HYCC1: variants seen among roughly 807,000 people sequenced by gnomAD.
The protein encoded by HYCC1 is hyccin.
chr7:22,964,477 A>G, the HYCC1 span: 1 of 1,611,432 alleles, frequency 6.2e-7, no homozygotes, highest in African/African-American at 1.3e-5. Flanking sequence ...GTATCCTGCT[A>G]CTTATACCTT....
the HYCC1 span, among the ~76,000 whole-genome samples, chr7:22,898,599 CTTTT>C: frequency 3.2e-5 from 3 of 93,330 alleles, no homozygotes; most frequent in African/African-American, 1.3e-4. Flanking sequence ...CTTTTCTTTT[CTTTT>C]CTTTTTTTTT....
the HYCC1 span, among the ~76,000 whole-genome samples, chr7:22,980,978 A>G: frequency 6.6e-6 from 1 of 152,134 alleles, no homozygotes; most frequent in Non-Finnish European, 1.5e-5. Context: ...CTTTCCACCT[A>G]CAGTTCCCTC....
the HYCC1 span, among the ~76,000 whole-genome samples, chr7:22,961,897 A>G: frequency 1.3e-5 from 2 of 151,838 alleles, no homozygotes; most frequent in Admixed American, 1.3e-4. Flanking sequence ...GTGTATGCAT[A>G]ATTTTCAAAG....
At chr7:22,960,614 G>C in the HYCC1 span, among the ~76,000 whole-genome samples, 1 of 152,124 alleles carries the variant, frequency 6.6e-6, no homozygotes. Flanking sequence ...ATATGTAAAT[G>C]ATAAAGTTAA....
chr7:22,945,508 G>A, the HYCC1 span: 1 of 1,048,546 alleles, frequency 9.5e-7, no homozygotes, highest in Admixed American at 1.7e-5. Context: ...GAATACGGAT[G>A]AAAGACCCAG....
the HYCC1 span, chr7:22,944,298 AG>A: frequency 1.3e-5 from 2 of 152,196 alleles, no homozygotes; most frequent in Admixed American, 1.3e-4. Flanking sequence ...CCGCAACCAT[AG>A]CCAAAAGGAC....
chr7:22,913,851 C>T, the HYCC1 span, among the ~76,000 whole-genome samples: 2 of 152,222 alleles, frequency 1.3e-5, no homozygotes, highest in Non-Finnish European at 2.9e-5. Context: ...AGACCCAGGA[C>T]AGGAGGACTC....
At chr7:22,991,415 T>C in the HYCC1 span, among the ~76,000 whole-genome samples, 4 of 152,118 alleles carry the variant, frequency 2.6e-5, no homozygotes, top group African/African-American at 7.2e-5. Context: ...TGGACATTTT[T>C]CCCTAGTTTC....
chr7:22,954,886 T>G, the HYCC1 span, among the ~76,000 whole-genome samples: 1 of 151,552 alleles, frequency 6.6e-6, no homozygotes, highest in East Asian at 1.9e-4. Flanking sequence ...TGAAAGTATC[T>G]TGTTTATAAA....
At chr7:22,912,985 G>A in the HYCC1 span, among the ~76,000 whole-genome samples, 18 of 152,240 alleles carry the variant, frequency 1.2e-4, no homozygotes, top group South Asian at 3.3e-3. Context: ...TTAGCTGGGT[G>A]TGGTGGTGGG....
the HYCC1 span, among the ~76,000 whole-genome samples, chr7:22,966,647 C>T: frequency 6.6e-6 from 1 of 152,166 alleles, no homozygotes; most frequent in African/African-American, 2.4e-5. Context: ...ATTATTTACT[C>T]ACTCTTCCCC....
At chr7:22,943,481 C>T in the HYCC1 span, 9 of 152,238 alleles carry the variant, frequency 5.9e-5, no homozygotes, top group East Asian at 1.7e-3. Flanking sequence ...TACTGGTCCT[C>T]AGACCACACA....
the HYCC1 span, among the ~76,000 whole-genome samples, chr7:22,932,715 A>C: frequency 0.058 from 8,830 of 152,204 alleles, 361 homozygotes; most frequent in Middle Eastern, 0.15. Flanking sequence ...AAGGATGCTG[A>C]GATTAGGTAA....
the HYCC1 span, among the ~76,000 whole-genome samples, chr7:22,925,016 C>T: frequency 6.4e-4 from 98 of 152,298 alleles, 1 homozygote; most frequent in South Asian, 2.3e-3. Context: ...GCAGCATTTG[C>T]GGCTCACCAA....
the HYCC1 span, among the ~76,000 whole-genome samples, chr7:22,965,606 A>C: frequency 3.6e-3 from 542 of 151,404 alleles, 4 homozygotes; most frequent in African/African-American, 0.013. Context: ...AAAAAAAAAA[A>C]AAAACAAAGA....
At chr7:22,932,944 T>C in the HYCC1 span, among the ~76,000 whole-genome samples, 1 of 152,146 alleles carries the variant, frequency 6.6e-6, no homozygotes, top group Non-Finnish European at 1.5e-5. Context: ...AAAGGTCATA[T>C]GAAAATACTC....
the HYCC1 span, among the ~76,000 whole-genome samples, chr7:22,913,063 GCAGTGAGCTGAGA>G: frequency 6.6e-6 from 1 of 151,892 alleles, no homozygotes; most frequent in Non-Finnish European, 1.5e-5. Flanking sequence ...GGCGGAGGTT[GCAGTGAGCTGAGA>G]CAGCACCACT....
chr7:22,985,145 T>C, the HYCC1 span, among the ~76,000 whole-genome samples: 1 of 152,232 alleles, frequency 6.6e-6, no homozygotes, highest in Non-Finnish European at 1.5e-5. Flanking sequence ...GTAGATACCA[T>C]GTCTCAGGAT....
At chr7:22,925,734 T>C in the HYCC1 span, among the ~76,000 whole-genome samples, 10 of 152,150 alleles carry the variant, frequency 6.6e-5, no homozygotes, top group Non-Finnish European at 1.5e-4. Context: ...ATGGGGAGAA[T>C]GGAACCGAGT....
Sources: allele counts gnomAD v4.1 joint callset (sites outside exome capture counted in the v4.1 genomes callset), GRCh38; gene constraint gnomAD v4.1.1; transcripts MANE v1.5; gene names NCBI Gene and HGNC (gene_info 2026-07-23, HGNC 2026-07-21).